The following TTYH2 variants were observed in gnomAD, a reference collection of about 807,000 sequenced individuals.
TTYH2 encodes protein tweety homolog 2.
In TTYH2, 49 loss-of-function variants were observed where a neutral mutation model predicts 68.3. The observed-to-expected ratio is 0.72, with a 90% CI of 0.57 to 0.91. The LOEUF is 0.91. Ranked by LOEUF, TTYH2 falls within the 40% of genes least tolerant of loss-of-function variation. The pLI, the probability that TTYH2 is intolerant of heterozygous loss-of-function variation, is 0.00. For missense variants in TTYH2, 631 were observed against 700.4 expected, an observed-to-expected ratio of 0.90 and a Z score of 1.12; for synonymous variants, 272 against 300.8, an observed-to-expected ratio of 0.90 and a Z score of 0.99.
intron 6 of TTYH2, among the ~76,000 whole-genome samples, chr17:74,245,962 T>G (rs2050553592): frequency 6.6e-6 from 1 of 151,454 alleles, no homozygotes; most frequent in Non-Finnish European, 1.5e-5. Context: ...GGAGATCTGC[T>G]CTGGGTGAGG....
In TTYH2 at chr17:74,213,763, C is replaced by T. The variant is rs1376511445; in HGVS notation, c.129+47C>T. Reference sequence around the variant, plus strand: ...CCGCAGCCACGCGCGCCCCAAGTCCCCGCACTACCCCCTCTCCCCTCGAGA... The same window carrying T: ...CCGCAGCCACGCGCGCCCCAAGTCCTCGCACTACCCCCTCTCCCCTCGAGA... On this transcript the variant is annotated intron_variant, in intron 1 of 13. Coordinates refer to ENST00000269346, the MANE Select transcript of TTYH2 (RefSeq NM_032646.6). The surrounding 1 kb of genome is among the most constrained non-coding windows in gnomAD (Gnocchi z 6.1). 1.3e-6 allele frequency: 2 copies of T among 1,593,510 alleles called. No individual in the cohort carries two copies. The highest frequency in any genetic ancestry group is 1.7e-5 in the Admixed American group (1 of 58,474).
Position 74,253,284 on chromosome 17 carries a change from ACCCAGGCT to A in TTYH2, c.1445+19_1445+26del. Reference sequence around the variant, plus strand: ...GAGTACATGTACGGCCTGCACACACACCCAGGCTGGGTAGCACTGCCCGGACAGCATGT... The same window carrying A: ...GAGTACATGTACGGCCTGCACACACAGGGTAGCACTGCCCGGACAGCATGT... On this transcript the variant is annotated intron_variant, in intron 12 of 13. Coordinates refer to ENST00000269346, the MANE Select transcript of TTYH2 (RefSeq NM_032646.6). 2 of 1,565,660 alleles carry A rather than the reference ACCCAGGCT, an allele frequency of 1.3e-6. No individual in the cohort carries two copies. The highest frequency in any genetic ancestry group is 1.7e-6 in the Non-Finnish European group (2 of 1,157,614).
rs2050474259 is a variant in TTYH2 at position 74,239,161 on chromosome 17, GC to G, written c.635+1648del. Among the ~76,000 whole-genome samples the G allele has an allele frequency of 1.3e-5, 2 of 152,206 alleles. No homozygotes were observed. The highest frequency in any genetic ancestry group is 2.4e-5 in the African/African-American group (1 of 41,464). The stretch of plus-strand genomic sequence containing the variant: ...TTGCCAAATCCCAGCCTAGCCAGAG[GC>G]ACTGGACACAATCGGCGGAGCAGGG... On this transcript the variant is annotated intron_variant, in intron 4 of 13. Transcript: ENST00000269346. This position sits in a 1 kb window ranked among gnomAD's most constrained non-coding sequence, Gnocchi z 5.3.
chr17:74,253,826 C>T lies in TTYH2; in HGVS notation c.1517C>T (p.Pro506Leu), dbSNP rs751567486. 13 of 1,614,104 alleles carry T rather than the reference C, an allele frequency of 8.1e-6. No homozygotes were observed. Among genetic ancestry groups the T allele is most frequent in the Admixed American group, 3.3e-5 (2 of 60,010 alleles). The change falls in exon 13 of 14, where the codon CCG becomes CTG. Residue 506 changes from proline to leucine, a missense_variant. Transcript: ENST00000269346. Reference sequence around the variant, plus strand: ...CCACTAATCGGGAGAGCCTCCCCTCCGCCTACGGTAATTGGGGCTCTGGCC... The same window carrying T: ...CCACTAATCGGGAGAGCCTCCCCTCTGCCTACGGTAATTGGGGCTCTGGCC... Reference protein sequence around the residue: ...NVPLIGRASPPPTYSPSMRAT... With the variant: ...NVPLIGRASPLPTYSPSMRAT...
In TTYH2 at chr17:74,215,516, C is replaced by G. The variant is rs981452099; in HGVS notation, c.129+1800C>G. 5.1e-6 allele frequency: 5 copies of G among 983,062 alleles called. No individual in the cohort carries two copies. Among genetic ancestry groups the G allele is most frequent in the Non-Finnish European group, 5.9e-6 (4 of 674,722 alleles). 60.9% of individuals were successfully genotyped at this position (983,062 alleles called of 1,614,324 possible). A position where few individuals can be genotyped will look rare whatever the true frequency, so the allele number is the denominator to read the frequency against. On this transcript the variant is annotated intron_variant, in intron 1 of 13. Transcript: ENST00000269346. This position sits in a 1 kb window ranked among gnomAD's most constrained non-coding sequence, Gnocchi z 4.3. ...GATTCTGGCCCCGGCTCACTTTGTGCTGGGCATCAAATGGTTCCAGAGGGT... is the reference window on the plus strand; with the variant it reads ...GATTCTGGCCCCGGCTCACTTTGTGGTGGGCATCAAATGGTTCCAGAGGGT...
intron 13 of TTYH2, 76 bp downstream of exon 13, chr17:74,253,909 TC>T: frequency 6.9e-7 from 1 of 1,447,508 alleles, no homozygotes; most frequent in Non-Finnish European, 9.7e-7. Context: ...GTGAATCCTG[TC>T]CACAAAGGCA....
chr17:74,257,540 T>C (rs1350711129), intron 13 of TTYH2, among the ~76,000 whole-genome samples: 1 of 152,134 alleles, frequency 6.6e-6, no homozygotes, highest in Admixed American at 6.5e-5. Flanking sequence ...GATAAACTCC[T>C]CCCTCTGCCG....
chr17:74,221,382 A>G (rs1286810458), intron 1 of TTYH2, among the ~76,000 whole-genome samples: 1 of 152,170 alleles, frequency 6.6e-6, no homozygotes, highest in Admixed American at 6.5e-5. Context: ...TCCCTGCACA[A>G]GTCTCGTCTC....
chr17:74,241,704 G>C lies in TTYH2; in HGVS notation c.636-1670G>C, dbSNP rs2050502892. Among the ~76,000 whole-genome samples the C allele has an allele frequency of 6.6e-6, 1 of 152,232 alleles. No homozygotes were observed. Reference sequence around the variant, plus strand: ...CAGAAAACCATTGCTGGAGAGGAGAGGTCAGCGACTTTACTTGGCTCTTGC... The same window carrying C: ...CAGAAAACCATTGCTGGAGAGGAGACGTCAGCGACTTTACTTGGCTCTTGC... On this transcript the variant is annotated intron_variant, in intron 4 of 13. Coordinates refer to ENST00000269346, the MANE Select transcript of TTYH2 (RefSeq NM_032646.6). The surrounding 1 kb of genome is among the most constrained non-coding windows in gnomAD (Gnocchi z 4.1).
rs2050740834 is a variant in TTYH2, at chr17:74,260,637, C to T, written c.*428C>T. On this transcript the variant is annotated 3_prime_UTR_variant, in exon 14 of 14. Coordinates refer to ENST00000269346, the MANE Select transcript of TTYH2 (RefSeq NM_032646.6). ...CAGCCCAGCCAAGAGCCCAGACGAC[C>T]CCTCTGTCCTCGTTCCCTGTCCTCG... is the stretch of plus-strand genomic sequence containing the variant. The T allele has an allele frequency of 4.6e-6, 1 of 218,266 alleles. No homozygotes were observed. The highest frequency in any genetic ancestry group is 9.6e-5 in the East Asian group (1 of 10,388). 13.5% of individuals were successfully genotyped at this position (218,266 alleles called of 1,614,324 possible).
chr17:74,259,478 G>T (rs770621866), intron 13 of TTYH2, among the ~76,000 whole-genome samples: 3 of 152,124 alleles, frequency 2.0e-5, no homozygotes, highest in Non-Finnish European at 4.4e-5. Flanking sequence ...GTCTCCTAAA[G>T]TGCTGGGATT....
Position 74,253,066 on chromosome 17 carries a change from T to C in TTYH2, c.1260-15T>C. 6.2e-7 allele frequency: 1 copy of C among 1,613,156 alleles called. No individual in the cohort carries two copies. Among genetic ancestry groups the C allele is most frequent in the South Asian group, 1.1e-5 (1 of 90,964 alleles). On this transcript the variant is annotated splice_polypyrimidine_tract_variant and intron_variant, in intron 11 of 13. Coordinates refer to ENST00000269346, the MANE Select transcript of TTYH2 (RefSeq NM_032646.6). ...TCACCCTTCACAGCCGGCCATCTTCTACCCATTGTTCTAGAAACAGAGACT... is the reference window on the plus strand; with the variant it reads ...TCACCCTTCACAGCCGGCCATCTTCCACCCATTGTTCTAGAAACAGAGACT...
chr17:74,224,119 C>T (rs998542954), intron 2 of TTYH2, among the ~76,000 whole-genome samples: 1 of 152,174 alleles, frequency 6.6e-6, no homozygotes, highest in South Asian at 2.1e-4. Flanking sequence ...GTTAAAAATC[C>T]TCCTGCATGG....
intron 4 of TTYH2, among the ~76,000 whole-genome samples, chr17:74,240,224 A>T (rs765508890): frequency 6.6e-6 from 1 of 152,170 alleles, no homozygotes; most frequent in Non-Finnish European, 1.5e-5. Flanking sequence ...GGATCACCTG[A>T]GGCCAGTAAT....
intron 2 of TTYH2, among the ~76,000 whole-genome samples, chr17:74,230,328 C>A (rs1236537792): frequency 6.6e-6 from 1 of 151,844 alleles, no homozygotes; most frequent in East Asian, 1.9e-4. Context: ...CTCCTGGGCT[C>A]AAGCGACCTA....
Position 74,222,515 on chromosome 17 carries a change from G to T in TTYH2, c.160G>T (p.Val54Phe), listed in dbSNP as rs142378984. ...SLLFLGLVAA[V>F]CLGLNLIFLV... ...GCTGTTCCTGGGGCTGGTGGCCGCC[G>T]TCTGCCTGGGCCTGAACCTCATCTT... The change falls in exon 2 of 14, where the codon GTC (valine) becomes TTC (phenylalanine). Residue 54 changes from valine (V) to phenylalanine (F), a missense_variant. By Grantham distance (50) the Val-to-Phe change is conservative. Transcript: ENST00000269346. This position sits in a 1 kb window ranked among gnomAD's most constrained non-coding sequence, Gnocchi z 5.2. 6.2e-7 allele frequency: 1 copy of T among 1,611,302 alleles called. No individual in the cohort carries two copies. The highest frequency in any genetic ancestry group is 8.5e-7 in the Non-Finnish European group (1 of 1,179,810).
In TTYH2 at chr17:74,252,867, G is replaced by C. The variant is rs543614246; in HGVS notation, c.1260-214G>C. ...GGGGACCCACATGCGCATGGTCAGC[G>C]TGGTGGGGAGCCTGGAAGAGCTGGT... On this transcript the variant is annotated intron_variant, in intron 11 of 13. Transcript: ENST00000269346. Among the ~76,000 whole-genome samples the C allele has an allele frequency of 2.6e-5, 4 of 152,306 alleles. No individual in the cohort carries two copies. The East Asian group carries it at 7.7e-4, about 29-fold the overall frequency.
intron 3 of TTYH2, among the ~76,000 whole-genome samples, chr17:74,235,334 A>G (rs2050432035): frequency 6.6e-6 from 1 of 152,062 alleles, no homozygotes; most frequent in Non-Finnish European, 1.5e-5. Context: ...GACCCGTGGG[A>G]GCTGAAGGCT....
In TTYH2 at chr17:74,249,042, C is replaced by A; in HGVS notation, c.836C>A (p.Thr279Asn). ...ATSDFCVAPD[T>N]FILNVTEGQI... ...AGTGACTTCTGTGTGGCTCCTGACA[C>A]CTTCATCCTGAACGTCACGGAGGGC... The change falls in exon 7 of 14, where the codon ACC becomes AAC. Residue 279 changes from threonine (T) to asparagine (N), a missense_variant. Coordinates refer to ENST00000269346, the MANE Select transcript of TTYH2 (RefSeq NM_032646.6). 1 of 1,614,210 alleles carries A rather than the reference C, an allele frequency of 6.2e-7. No individual in the cohort carries two copies. The highest frequency in any genetic ancestry group is 8.5e-7 in the Non-Finnish European group (1 of 1,180,032).
Sources: allele counts gnomAD v4.1 joint callset (sites outside exome capture counted in the v4.1 genomes callset), GRCh38; gene constraint gnomAD v4.1.1; non-coding constraint Gnocchi (gnomAD v3.1); transcripts MANE v1.5; gene names NCBI Gene and HGNC (gene_info 2026-07-23, HGNC 2026-07-21).